The following CHL1 variants were observed in gnomAD, a reference collection of about 807,000 sequenced individuals.
CHL1 encodes the protein cell adhesion molecule L1 like, also known as neural cell adhesion molecule L1-like protein.
Under a neutral mutation model 141.9 loss-of-function variants are expected in CHL1, and 96 were observed. That is an observed-to-expected ratio of 0.68 (90% CI 0.57 to 0.80). CHL1 has a LOEUF of 0.80. CHL1 is among the 30% of genes least tolerant of loss of function. CHL1 has a pLI of 0.00. For missense variants in CHL1, 1,820 were observed against 1,457.2 expected, an observed-to-expected ratio of 1.25 and a Z score of -4.05; for synonymous variants, 613 against 502.2, an observed-to-expected ratio of 1.22 and a Z score of -2.95.
intron 26 of CHL1, among the ~76,000 whole-genome samples, chr3:401,273 G>C (rs111441578): frequency 1.3e-5 from 2 of 152,164 alleles, no homozygotes; most frequent in African/African-American, 2.4e-5. Context: ...TCTTCAAAAA[G>C]TTCAGATAGT....
At chr3:256,663 T>C (rs957055183) in intron 2 of CHL1, among the ~76,000 whole-genome samples, 2 of 152,210 alleles carry the variant, frequency 1.3e-5, no homozygotes, top group Admixed American at 1.3e-4. Context: ...CATGCTGAGG[T>C]TGAGAAACTC....
chr3:394,682 T>G lies in CHL1; in HGVS notation c.2915-11T>G, dbSNP rs761276793. On this transcript the variant is annotated splice_polypyrimidine_tract_variant and intron_variant, in intron 23 of 27. Transcript: ENST00000256509. ...ATACATTTGAGCTGTTGTTCATGTTTATTTTTTTAGTAAATGACACCTACG... is the reference window on the plus strand; with the variant it reads ...ATACATTTGAGCTGTTGTTCATGTTGATTTTTTTAGTAAATGACACCTACG... 3 of 1,590,346 alleles carry G rather than the reference T, an allele frequency of 1.9e-6. No individual in the cohort carries two copies. Among genetic ancestry groups the G allele is most frequent in the Non-Finnish European group, 1.7e-6 (2 of 1,165,076 alleles).
At chr3:385,607 A>ATC in intron 19 of CHL1, 1 of 152,520 alleles carries the variant, frequency 6.6e-6, no homozygotes, top group South Asian at 2.1e-4. Context: ...AGGCGGGCAG[A>ATC]TCACAAGATC....
At chr3:391,644 G>C in intron 22 of CHL1, 31 bp from the exon 23 acceptor site, 2 of 1,536,294 alleles carry the variant, frequency 1.3e-6, no homozygotes, top group Non-Finnish European at 8.9e-7. Flanking sequence ...TCTAATTGAT[G>C]TGAGTTTATT....
intron 19 of CHL1, chr3:384,670 C>T (rs1190488551): frequency 6.6e-6 from 1 of 152,072 alleles, no homozygotes; most frequent in Non-Finnish European, 1.5e-5. Context: ...GTATATTGGC[C>T]TACCTAAAAG....
intron 2 of CHL1, among the ~76,000 whole-genome samples, chr3:257,930 T>C (rs1028000393): frequency 4.3e-4 from 66 of 152,324 alleles, no homozygotes; most frequent in African/African-American, 1.5e-3. Flanking sequence ...GTTAACATTG[T>C]CTCATCTTGA....
intron 2 of CHL1, among the ~76,000 whole-genome samples, chr3:294,388 G>C (rs887420738): frequency 1.3e-5 from 2 of 152,142 alleles, no homozygotes; most frequent in African/African-American, 4.8e-5. Context: ...AGTTCATTGA[G>C]TTAACGAGGA....
At chr3:353,141 C>A (rs781159819) in intron 10 of CHL1, among the ~76,000 whole-genome samples, 8 of 151,940 alleles carry the variant, frequency 5.3e-5, no homozygotes, top group Non-Finnish European at 1.0e-4. Flanking sequence ...TACTAATAGT[C>A]CTAATAGTAA....
intron 1 of CHL1, among the ~76,000 whole-genome samples, chr3:199,728 C>T (rs530928649): frequency 3.9e-5 from 6 of 152,110 alleles, no homozygotes; most frequent in Non-Finnish European, 8.8e-5. Context: ...CCCAGAAAAA[C>T]ATTTGCTAGA....
chr3:214,483 A>G (rs1001253559), intron 1 of CHL1, among the ~76,000 whole-genome samples: 1 of 152,346 alleles, frequency 6.6e-6, no homozygotes. Context: ...AAGAGACATC[A>G]GTGTTACGTG....
rs779831638 is a variant in CHL1, at chr3:197,054, G to A, written c.-184G>A. The A allele has an allele frequency of 2.0e-5, 3 of 152,318 alleles. No homozygotes were observed. Among genetic ancestry groups the A allele is most frequent in the Non-Finnish European group, 4.4e-5 (3 of 68,160 alleles). The allele number at this position is 152,318 out of a possible 1,614,324, so 9.4% of individuals were successfully genotyped here. ...GGCGCCGGACAGATCGCGTTTCGGA[G>A]GCGGCGCAGGTGTGTCAGGGGTGGG... On this transcript the variant is annotated 5_prime_UTR_variant, in exon 1 of 28. Coordinates refer to ENST00000256509, the MANE Select transcript of CHL1 (RefSeq NM_006614.4).
chr3:390,142 T>C (rs1708101209), intron 20 of CHL1, among the ~76,000 whole-genome samples: 1 of 152,212 alleles, frequency 6.6e-6, no homozygotes, highest in South Asian at 2.1e-4. Flanking sequence ...GTCTAAATTC[T>C]TCTACCCAAA....
chr3:228,709 G>A (rs1487637780), intron 1 of CHL1, among the ~76,000 whole-genome samples: 2 of 152,096 alleles, frequency 1.3e-5, no homozygotes, highest in Admixed American at 6.6e-5. Context: ...GGATAGCAAC[G>A]GATTTCTATC....
At chr3:363,495 G>C in intron 14 of CHL1, 112 bp downstream of exon 14, 2 of 1,022,514 alleles carry the variant, frequency 2.0e-6, no homozygotes, top group East Asian at 2.5e-5. Context: ...AAAGTTCTTT[G>C]AACCGTTTTT....
intron 2 of CHL1, among the ~76,000 whole-genome samples, chr3:245,867 T>C (rs1007883319): frequency 6.6e-6 from 1 of 152,132 alleles, no homozygotes; most frequent in East Asian, 1.9e-4. Flanking sequence ...ATCTCTTCTC[T>C]CATCCACTGG....
At chr3:282,570 T>G (rs1242927856) in intron 2 of CHL1, 2 of 152,216 alleles carry the variant, frequency 1.3e-5, no homozygotes, top group Non-Finnish European at 2.9e-5. Flanking sequence ...CAAGAATGTC[T>G]TATTATTATT....
At chr3:383,596 G>A (rs1707319224) in intron 18 of CHL1, among the ~76,000 whole-genome samples, 1 of 151,830 alleles carries the variant, frequency 6.6e-6, no homozygotes, top group Non-Finnish European at 1.5e-5. Flanking sequence ...CTCTCCACTG[G>A]ATAATAATTA....
intron 2 of CHL1, among the ~76,000 whole-genome samples, chr3:299,810 G>T (rs1385203415): frequency 6.6e-6 from 1 of 152,118 alleles, no homozygotes; most frequent in African/African-American, 2.4e-5. Context: ...GTGTATATCA[G>T]TGTGCCTCTG....
At chr3:375,306 C>G (rs1372096030) in intron 15 of CHL1, among the ~76,000 whole-genome samples, 2 of 151,846 alleles carry the variant, frequency 1.3e-5, no homozygotes, top group Non-Finnish European at 2.9e-5. Flanking sequence ...GGGACCTAGT[C>G]CTGTGGGAGA....
Sources: gnomAD v4.1 joint callset for allele counts (sites outside exome capture counted in the v4.1 genomes callset) on GRCh38, gnomAD v4.1.1 for gene constraint, MANE v1.5 for transcripts, NCBI Gene and HGNC (gene_info 2026-07-23, HGNC 2026-07-21) for gene names.